Variants in EPC1 observed in about 807,000 individuals in gnomAD.
EPC1 encodes the protein enhancer of polycomb homolog 1.
In EPC1, 12 loss-of-function variants were observed where a neutral mutation model predicts 98.4. That is an observed-to-expected ratio of 0.12 (90% CI 0.08 to 0.20). EPC1 has a LOEUF of 0.20. EPC1 is among the 10% of genes least tolerant of loss of function. The pLI, the probability that EPC1 is intolerant of heterozygous loss-of-function variation, is 1.00. For synonymous variants in EPC1, 357 were observed against 363.9 expected, an observed-to-expected ratio of 0.98 and a Z score of 0.21; for missense variants, 729 against 990.5, an observed-to-expected ratio of 0.74 and a Z score of 3.54.
At chr10:32,298,834 G>T (rs1007445821) in intron 2 of EPC1, among the ~76,000 whole-genome samples, 2 of 152,138 alleles carry the variant, frequency 1.3e-5, no homozygotes, top group Non-Finnish European at 2.9e-5. Flanking sequence ...TATGCTGCAG[G>T]GGATGTTGAG....
In EPC1 at chr10:32,361,018, C is replaced by T. The variant is rs1291507067; in HGVS notation, c.3+17473G>A. On this transcript the variant is annotated intron_variant, in intron 1 of 13. Transcript: ENST00000375110. ...TTAAAAACATGCTTGTAACAAAGGCCAAGGGAGCACTCTCCAAGGCAACTT... is the reference window on the plus strand; with the variant it reads ...TTAAAAACATGCTTGTAACAAAGGCTAAGGGAGCACTCTCCAAGGCAACTT... Among the ~76,000 whole-genome samples the T allele has an allele frequency of 3.3e-5, 5 of 152,294 alleles. No individual in the cohort carries two copies. The East Asian group carries it at 9.6e-4, about 29-fold the overall frequency.
chr10:32,275,529 G>A (rs753782911), intron 10 of EPC1, among the ~76,000 whole-genome samples: 1 of 151,852 alleles, frequency 6.6e-6, no homozygotes, highest in Non-Finnish European at 1.5e-5. Flanking sequence ...CACTCTGGGA[G>A]GCCGAGGTGG....
At chr10:32,334,542 C>A (rs1837840654) in intron 1 of EPC1, among the ~76,000 whole-genome samples, 1 of 151,646 alleles carries the variant, frequency 6.6e-6, no homozygotes, top group South Asian at 2.1e-4. Flanking sequence ...AAGTGACTTT[C>A]GAACAATAAG....
Position 32,284,734 on chromosome 10 carries a change from T to C in EPC1, c.1708A>G (p.Thr570Ala). The change falls in exon 10 of 14, where the codon ACG becomes GCG. Residue 570 changes from threonine (T) to alanine (A), a missense_variant. This residue lies in a region of EPC1 where 390 missense variants were observed against 438.6 expected (regional missense o/e 0.89). Coordinates refer to ENST00000319778, the MANE Select transcript of EPC1 (RefSeq NM_001272004.3). ...GAACCACTGCTACTTTTACTTTGCG[T>C]AGAGGTACTGCATGTCTGGGTCCCA... is the stretch of plus-strand genomic sequence containing the variant. ...QPGTQTCSTS[T>A]QSKSSSGSAH... 1 of 1,614,086 alleles carries C rather than the reference T, an allele frequency of 6.2e-7. No homozygotes were observed. Among genetic ancestry groups the C allele is most frequent in the Non-Finnish European group, 8.5e-7 (1 of 1,179,944 alleles).
At chr10:32,286,404 T>C in intron 9 of EPC1, 1 of 419,026 alleles carries the variant, frequency 2.4e-6, no homozygotes, top group Non-Finnish European at 4.3e-6. Flanking sequence ...TTTACACTTG[T>C]CTTCATCTGT....
At chr10:32,375,975 AT>A (rs1481955043) in intron 1 of EPC1, among the ~76,000 whole-genome samples, 1 of 151,706 alleles carries the variant, frequency 6.6e-6, no homozygotes, top group African/African-American at 2.4e-5. Context: ...ATTAAAAAAA[AT>A]AATGTTCAAG....
At chr10:32,361,781 G>A (rs988217489) in intron 1 of EPC1, among the ~76,000 whole-genome samples, 1 of 152,212 alleles carries the variant, frequency 6.6e-6, no homozygotes, top group African/African-American at 2.4e-5. Flanking sequence ...TAGGGGCTGG[G>A]TAAAATGAGG....
At chr10:32,344,283 T>G (rs953464575) in intron 1 of EPC1, among the ~76,000 whole-genome samples, 1 of 152,206 alleles carries the variant, frequency 6.6e-6, no homozygotes, top group African/African-American at 2.4e-5. Context: ...GCAGCTTGTT[T>G]ACCAGGTACT....
intron 10 of EPC1, among the ~76,000 whole-genome samples, chr10:32,277,528 T>C (rs1164085204): frequency 6.6e-6 from 1 of 152,192 alleles, no homozygotes; most frequent in Admixed American, 6.5e-5. Flanking sequence ...ACTACCTTTG[T>C]TTTGGTAGCT....
At chr10:32,355,470 G>A (rs931480181) in intron 1 of EPC1, among the ~76,000 whole-genome samples, 9 of 152,168 alleles carry the variant, frequency 5.9e-5, no homozygotes, top group South Asian at 2.1e-4. Context: ...ACTGGATTAC[G>A]TTAAATTACT....
At chr10:32,374,628 C>G (rs1258155329) in intron 1 of EPC1, 1 of 152,102 alleles carries the variant, frequency 6.6e-6, no homozygotes, top group East Asian at 1.9e-4. Flanking sequence ...TGGAAGAACA[C>G]TTGTCAAATC....
chr10:32,304,730 ACCAACATGGAGAAACC>A (rs889348224), intron 2 of EPC1, among the ~76,000 whole-genome samples: 1 of 151,914 alleles, frequency 6.6e-6, no homozygotes, highest in Admixed American at 6.6e-5. Flanking sequence ...GACCAGCCTG[ACCAACATGGAGAAACC>A]CCGTCTCTAC....
intron 11 of EPC1, 126 bp from the exon 12 acceptor site, chr10:32,272,293 AT>A: frequency 1.4e-6 from 1 of 731,292 alleles, no homozygotes; most frequent in East Asian, 2.8e-5. Flanking sequence ...AAATCTTTCT[AT>A]TTTGGTACCT....
At chr10:32,349,109 T>G (rs34728383), upstream of EPC1, among the ~76,000 whole-genome samples, 16,237 of 152,176 alleles carry the variant, frequency 0.11, 956 homozygotes, top group Admixed American at 0.13. Flanking sequence ...GGTTTAACAG[T>G]TCCGAAAATA....
At chr10:32,299,911 A>T (rs1180043704) in intron 2 of EPC1, among the ~76,000 whole-genome samples, 6 of 151,906 alleles carry the variant, frequency 3.9e-5, no homozygotes, top group African/African-American at 1.5e-4. Context: ...AATTGCAAAA[A>T]TGAGTTTTTT....
At position 32,287,138 on chromosome 10, in the gene EPC1, T is replaced by A; in HGVS notation, c.1112A>T (p.Gln371Leu). The stretch of plus-strand genomic sequence containing the variant: ...TTCGTCTGAGCTGGGAAAGTCATAC[T>A]GATTCAGATCTTTAGCATTGAAGAC... ...LPVFNAKDLN[Q>L]YDFPSSDEEP... is the part of the protein sequence containing the mutation. Residue 371 changes from glutamine to leucine, a missense_variant, in exon 7 of 14, where the codon CAG (glutamine) becomes CTG (leucine). Around this residue, in one of 6 missense-constraint regions of EPC1, gnomAD observed 390 missense variants for 438.6 expected, o/e 0.89. Transcript: ENST00000319778. 1.2e-6 allele frequency: 2 copies of A among 1,614,228 alleles called. No homozygotes were observed. Among genetic ancestry groups the A allele is most frequent in the East Asian group, 4.5e-5 (2 of 44,874 alleles).
chr10:32,373,922 G>T (rs1839818232), intron 1 of EPC1, among the ~76,000 whole-genome samples: 1 of 152,140 alleles, frequency 6.6e-6, no homozygotes, highest in Non-Finnish European at 1.5e-5. Context: ...TTCTATGTTA[G>T]TATGAAAGCA....
intron 2 of EPC1, among the ~76,000 whole-genome samples, chr10:32,297,746 A>T (rs935274499): frequency 2.0e-5 from 3 of 152,350 alleles, no homozygotes; most frequent in Middle Eastern, 3.4e-3. Context: ...CCATGTAGAC[A>T]TAAAGTAAGC....
In EPC1 at chr10:32,297,282, CT is replaced by C. The variant is rs555311885; in HGVS notation, c.314-3546del. Among the ~76,000 whole-genome samples the C allele has an allele frequency of 3.7e-3, 506 of 135,294 alleles. 1 individual carries two copies. Among genetic ancestry groups the C allele is most frequent in the Admixed American group, 7.1e-3 (95 of 13,364 alleles). 88.8% of individuals were successfully genotyped at this position (135,294 alleles called of 152,430 possible). On this transcript the variant is annotated intron_variant, in intron 2 of 13. Coordinates refer to ENST00000319778, the MANE Select transcript of EPC1 (RefSeq NM_001272004.3). ...ATTGAGACCTAGCAGGTTAATAATT[CT>C]TTTTTTTTTTTTTTTTAGATGGAGT...
Sources: gnomAD v4.1 joint callset for allele counts (sites outside exome capture counted in the v4.1 genomes callset) on GRCh38, gnomAD v4.1.1 for gene constraint, gnomAD v4.1.1 regional missense constraint, MANE v1.5 for transcripts, NCBI Gene and HGNC (gene_info 2026-07-23, HGNC 2026-07-21) for gene names.